PCCA: variants seen among roughly 807,000 people sequenced by gnomAD.
The protein encoded by PCCA is propionyl-CoA carboxylase alpha chain, mitochondrial.
PCCA carries 74 observed loss-of-function variants against 101.3 expected under a neutral mutation model. The observed-to-expected ratio is 0.73, with a 90% CI of 0.61 to 0.89. PCCA has a LOEUF of 0.89. Ranked by LOEUF, PCCA falls within the 40% of genes least tolerant of loss-of-function variation. The pLI is 0.00. For synonymous variants in PCCA, 294 were observed against 313.6 expected (o/e 0.94, Z 0.66); for missense variants, 891 against 907.0 (o/e 0.98, Z 0.23).
rs140341512 is a variant in PCCA at position 100,103,059 on chromosome 13, T to C, written c.183+99T>C. The C allele has an allele frequency of 8.9e-5, 70 of 786,412 alleles. 2 individuals are homozygous for C. The East Asian group carries it at 1.8e-3, about 20-fold the overall frequency. 48.7% of individuals were successfully genotyped at this position (786,412 alleles called of 1,614,324 possible). ...GTTCAGTGGACAGATGAGATTTTGTTAAGGCTGTGTGGTCATTGATCACTC... is the reference window on the plus strand; with the variant it reads ...GTTCAGTGGACAGATGAGATTTTGTCAAGGCTGTGTGGTCATTGATCACTC... On this transcript the variant is annotated intron_variant, in intron 2 of 23. Coordinates refer to ENST00000376285, the MANE Select transcript of PCCA (RefSeq NM_000282.4).
intron 21 of PCCA, among the ~76,000 whole-genome samples, chr13:100,498,067 A>G (rs1190574286): frequency 2.0e-5 from 3 of 151,910 alleles, no homozygotes; most frequent in East Asian, 1.9e-4. Flanking sequence ...AGGTCTTGCT[A>G]TATTGCCCAG....
intron 18 of PCCA, among the ~76,000 whole-genome samples, chr13:100,342,912 G>A (rs1441447797): frequency 6.6e-6 from 1 of 151,712 alleles, no homozygotes; most frequent in Non-Finnish European, 1.5e-5. Context: ...TGTAAAGATG[G>A]GGTTTCACCA....
At chr13:100,472,517 A>G (rs1445102853) in intron 21 of PCCA, among the ~76,000 whole-genome samples, 1 of 152,162 alleles carries the variant, frequency 6.6e-6, no homozygotes, top group Non-Finnish European at 1.5e-5. Context: ...TCATCACCTA[A>G]GAGAAGGGGG....
intron 4 of PCCA, among the ~76,000 whole-genome samples, chr13:100,126,418 T>G (rs1002818972): frequency 6.6e-6 from 1 of 152,162 alleles, no homozygotes; most frequent in Non-Finnish European, 1.5e-5. Flanking sequence ...TCTTTACTTT[T>G]CAAGATGAAA....
chr13:100,179,209 T>G (rs565588618), intron 6 of PCCA, among the ~76,000 whole-genome samples: 27 of 152,094 alleles, frequency 1.8e-4, no homozygotes, highest in African/African-American at 5.1e-4. Context: ...AAGTATTGCT[T>G]CCATAAATAA....
At chr13:100,376,448 C>T (rs138039063) in intron 19 of PCCA, among the ~76,000 whole-genome samples, 1,658 of 152,352 alleles carry the variant, frequency 0.011, 36 homozygotes, top group African/African-American at 0.037. Flanking sequence ...GCTGCGCCCA[C>T]AGCTGCCCCT....
intron 12 of PCCA, among the ~76,000 whole-genome samples, chr13:100,299,251 C>T (rs757552117): frequency 6.6e-6 from 1 of 152,176 alleles, no homozygotes; most frequent in Non-Finnish European, 1.5e-5. Flanking sequence ...AGTGGGTCCA[C>T]TTTTGGATCC....
At chr13:100,506,637 A>G (rs1014826453) in intron 21 of PCCA, among the ~76,000 whole-genome samples, 8 of 152,142 alleles carry the variant, frequency 5.3e-5, no homozygotes, top group Non-Finnish European at 1.2e-4. Flanking sequence ...TCACATTAGA[A>G]CACTTCCCAG....
chr13:100,422,110 CTT>C (rs754037378), intron 19 of PCCA, among the ~76,000 whole-genome samples: 1 of 116,110 alleles, frequency 8.6e-6, no homozygotes, highest in African/African-American at 3.4e-5. Context: ...TTCTTTCTTT[CTT>C]TCTTTCTTTT....
intron 19 of PCCA, among the ~76,000 whole-genome samples, chr13:100,395,091 A>G (rs1288459302): frequency 6.6e-6 from 1 of 152,236 alleles, no homozygotes; most frequent in Admixed American, 6.5e-5. Flanking sequence ...CCTGATTTGT[A>G]TAAAAATCCT....
In PCCA at chr13:100,330,588, G is replaced by A. The variant is rs183239835; in HGVS notation, c.1457G>A (p.Arg486Gln). The change falls in exon 17 of 24, where the codon CGA (arginine) becomes CAA (glutamine). Residue 486 changes from arginine (R) to glutamine (Q), a missense_variant. Transcript: ENST00000376285. ...RGVTHNIALL[R>Q]EVIINSRFVK... ...GTTACACATAATATTGCATTACTTC[G>A]AGAGGTGATAATCAACTCACGCTTT... is the stretch of plus-strand genomic sequence containing the variant. 2.1e-5 allele frequency: 33 copies of A among 1,609,668 alleles called. No homozygotes were observed. In the Admixed American group the frequency reaches 2.3e-4, roughly 11 times the overall value.
intron 18 of PCCA, among the ~76,000 whole-genome samples, chr13:100,359,851 A>T (rs570270736): frequency 6.6e-6 from 1 of 152,222 alleles, no homozygotes; most frequent in African/African-American, 2.4e-5. Context: ...AAATATTAAG[A>T]TGTCACTTCT....
intron 20 of PCCA, among the ~76,000 whole-genome samples, chr13:100,426,110 TA>T (rs1275220814): frequency 6.6e-6 from 1 of 152,180 alleles, no homozygotes; most frequent in Non-Finnish European, 1.5e-5. Flanking sequence ...GTTAGGCTAG[TA>T]AAACTTGTGT....
At chr13:100,170,875 C>A (rs1054757084) in intron 6 of PCCA, among the ~76,000 whole-genome samples, 1 of 152,114 alleles carries the variant, frequency 6.6e-6, no homozygotes, top group Non-Finnish European at 1.5e-5. Context: ...GTCAGCATAG[C>A]GTACAGTAGC....
At chr13:100,335,717 G>A (rs1275161331) in intron 17 of PCCA, among the ~76,000 whole-genome samples, 2 of 152,182 alleles carry the variant, frequency 1.3e-5, no homozygotes, top group African/African-American at 4.8e-5. Context: ...AATAAATGTG[G>A]TGACACTCTC....
At chr13:100,239,859 A>G (rs191065311) in intron 8 of PCCA, among the ~76,000 whole-genome samples, 12 of 152,180 alleles carry the variant, frequency 7.9e-5, no homozygotes, top group Admixed American at 7.9e-4. Context: ...CCTCAGGTCT[A>G]CCATACTACA....
intron 10 of PCCA, among the ~76,000 whole-genome samples, chr13:100,266,273 A>T (rs553604360): frequency 6.6e-6 from 1 of 152,194 alleles, no homozygotes; most frequent in Non-Finnish European, 1.5e-5. Context: ...TGTCTTTGAC[A>T]TTACTAATAC....
rs528205826 is a variant in PCCA at position 100,181,341 on chromosome 13, T to C, written c.468+24001T>C. Among the ~76,000 whole-genome samples, 36 of 152,352 alleles carry C rather than the reference T, an allele frequency of 2.4e-4. No individual in the cohort carries two copies. In the South Asian group the frequency reaches 7.3e-3, roughly 31 times the overall value. On this transcript the variant is annotated intron_variant, in intron 6 of 23. Coordinates refer to ENST00000376285, the MANE Select transcript of PCCA (RefSeq NM_000282.4). ...CCATTGTGCTAGGCACTGAGGAAATTATTTAAAAAATAAAGTAGGGCACAG... is the reference window on the plus strand; with the variant it reads ...CCATTGTGCTAGGCACTGAGGAAATCATTTAAAAAATAAAGTAGGGCACAG...
At chr13:100,473,631 C>T (rs2083190620) in intron 21 of PCCA, among the ~76,000 whole-genome samples, 1 of 152,188 alleles carries the variant, frequency 6.6e-6, no homozygotes, top group South Asian at 2.1e-4. Flanking sequence ...GTGTGACCTT[C>T]GTAAACCTCA....
Sources: allele counts gnomAD v4.1 joint callset (sites outside exome capture counted in the v4.1 genomes callset), GRCh38; gene constraint gnomAD v4.1.1; transcripts MANE v1.5; gene names NCBI Gene and HGNC (gene_info 2026-07-23, HGNC 2026-07-21).